Variants in RRP12 observed in about 807,000 individuals in gnomAD.
RRP12 encodes the protein ribosomal RNA processing 12 homolog, also known as RRP12-like protein.
RRP12 carries 78 observed loss-of-function variants against 157.3 expected under a neutral mutation model. The observed-to-expected ratio is 0.50, with a 90% confidence interval of 0.41 to 0.60. The LOEUF is 0.60. RRP12 is among the 20% of genes least tolerant of loss of function. The probability of loss-of-function intolerance (pLI) is 0.00; values close to 1 mark genes in which losing one functional copy is unlikely to be tolerated. For missense variants in RRP12, 1,521 were observed against 1,679.9 expected (o/e 0.91, Z 1.65); for synonymous variants, 726 against 670.9 (o/e 1.08, Z -1.27).
chr10:97,387,940 T>TAAAAAAA (rs1844683011), intron 8 of RRP12: 1 of 93,830 alleles, frequency 1.1e-5, no homozygotes, highest in African/African-American at 2.7e-4. Context: ...AAACTCGGTC[T>TAAAAAAA]CAAAAAAAAA....
intron 2 of RRP12, among the ~76,000 whole-genome samples, chr10:97,398,621 A>G (rs1051603031): frequency 1.1e-4 from 16 of 151,916 alleles, no homozygotes; most frequent in Admixed American, 7.9e-4. Flanking sequence ...TGCTAGGATT[A>G]CAGGTGTAAG....
chr10:97,367,069 G>C lies in RRP12; in HGVS notation c.3019C>G (p.Leu1007Val). 1 of 1,614,240 alleles carries C rather than the reference G, an allele frequency of 6.2e-7. No homozygotes were observed. Among genetic ancestry groups the C allele is most frequent in the East Asian group, 2.2e-5 (1 of 44,888 alleles). The change falls in exon 26 of 34, where the codon CTG becomes GTG. Residue 1007 changes from leucine to valine, a missense_variant. Coordinates refer to ENST00000370992, the MANE Select transcript of RRP12 (RefSeq NM_015179.4). ...AACTTGCGGATGAACTTGGTGAACAGGTTCCGAAGCTTCATGCGGAAGTGC... is the reference window on the plus strand; with the variant it reads ...AACTTGCGGATGAACTTGGTGAACACGTTCCGAAGCTTCATGCGGAAGTGC... ...RRHFRMKLRNLFTKFIRKFGF... is the reference protein window; with the variant it reads ...RRHFRMKLRNVFTKFIRKFGF...
chr10:97,386,097 C>G (rs888420671), intron 8 of RRP12, 104 bp from the exon 9 acceptor site: 1 of 688,930 alleles, frequency 1.5e-6, no homozygotes. Context: ...CCCCCTGAAC[C>G]TCACACATGC....
At chr10:97,385,490 C>T (rs964663283) in intron 9 of RRP12, among the ~76,000 whole-genome samples, 2 of 151,848 alleles carry the variant, frequency 1.3e-5, no homozygotes, top group African/African-American at 2.4e-5. Flanking sequence ...ATGGGTCACA[C>T]ACTCCTTTGT....
chr10:97,370,619 C>T (rs1589418599), intron 22 of RRP12, 59 bp from the exon 23 acceptor site: 5 of 1,582,430 alleles, frequency 3.2e-6, no homozygotes, highest in Non-Finnish European at 4.3e-6. Flanking sequence ...GGAAGCGAAT[C>T]GAGTCCTCCC....
At chr10:97,371,790 G>A in intron 20 of RRP12, 1 of 342,244 alleles carries the variant, frequency 2.9e-6, no homozygotes, top group Non-Finnish European at 5.5e-6. Flanking sequence ...GGCCGGTCTG[G>A]GATGGGCCTG....
rs1844101144 is a variant in RRP12 at position 97,370,184 on chromosome 10, A to G, written c.2780T>C (p.Leu927Pro). The G allele has an allele frequency of 6.2e-7, 1 of 1,603,404 alleles. No individual in the cohort carries two copies. The highest frequency in any genetic ancestry group is 8.5e-7 in the Non-Finnish European group (1 of 1,175,304). The change falls in exon 24 of 34, where the codon CTC (leucine) becomes CCC (proline). Residue 927 changes from leucine (L) to proline (P), a missense_variant. Coordinates refer to ENST00000370992, the MANE Select transcript of RRP12 (RefSeq NM_015179.4). ...VSCSILALTH[L>P]LFEFKGLMGT... is the part of the protein sequence containing the mutation. ...GCATTTACCTTTAAACTCGAAAAGG[A>G]GGTGGGTCAGGGCCAGGATGCTGCA...
In RRP12 at chr10:97,390,512, G is replaced by A. The variant is rs369103845; in HGVS notation, c.664C>T (p.Arg222Trp). The change falls in exon 6 of 34, where the codon CGG becomes TGG. Residue 222 changes from arginine (R) to tryptophan (W), a missense_variant. Physicochemically the swap from Arg to Trp is moderately radical, Grantham distance 101. Coordinates refer to ENST00000370992, the MANE Select transcript of RRP12 (RefSeq NM_015179.4). ...WVLSCLATLL[R>W]KQDLEAWGYP... is the part of the protein sequence containing the mutation. ...CCCCAGGCCTCCAGGTCTTGCTTCCGCAGAAGGGTGGCCAGGCAGGAAAGG... is the reference window on the plus strand; with the variant it reads ...CCCCAGGCCTCCAGGTCTTGCTTCCACAGAAGGGTGGCCAGGCAGGAAAGG... The A allele has an allele frequency of 2.2e-5, 36 of 1,613,746 alleles. No homozygotes were observed. The African/African-American group carries it at 2.7e-4, about 12-fold the overall frequency.
intron 15 of RRP12, among the ~76,000 whole-genome samples, chr10:97,375,720 T>G (rs1054480333): frequency 3.3e-5 from 5 of 152,206 alleles, no homozygotes; most frequent in African/African-American, 1.2e-4. Flanking sequence ...ATAGAACAAA[T>G]TTTTCCTTTT....
intron 2 of RRP12, among the ~76,000 whole-genome samples, chr10:97,398,004 TAC>T (rs1204455601): frequency 1.7e-4 from 14 of 84,232 alleles, no homozygotes; most frequent in East Asian, 6.6e-4. Context: ...TATATATATA[TAC>T]ATATATATAT....
intron 10 of RRP12, among the ~76,000 whole-genome samples, chr10:97,384,034 G>A (rs930787997): frequency 1.7e-4 from 26 of 151,896 alleles, no homozygotes; most frequent in African/African-American, 2.4e-5. Context: ...GGCCCCAGGA[G>A]GCTGAACAGC....
In RRP12 at chr10:97,370,499, A is replaced by G. The variant is rs200000260; in HGVS notation, c.2645T>C (p.Val882Ala). 57 of 1,610,108 alleles carry G rather than the reference A, an allele frequency of 3.5e-5. No homozygotes were observed. Among genetic ancestry groups the G allele is most frequent in the Non-Finnish European group, 4.8e-5 (57 of 1,178,514 alleles). ...CCTTAGGAAAGCATGGCCCATCTCC[A>G]CGAGCAGTGCAAAAGCGTTCTTCCG... Reference protein sequence around the residue: ...GARKNAFALLVEMGHAFLRFG... With the variant: ...GARKNAFALLAEMGHAFLRFG... Residue 882 changes from valine (V) to alanine (A), a missense_variant, in exon 23 of 34, where the codon GTG becomes GCG. Physicochemically the swap from Val to Ala is moderately conservative, Grantham distance 64. Transcript: ENST00000370992.
rs747916724 is a variant in RRP12, at chr10:97,370,913, G to C, written c.2502+10C>G. The stretch of plus-strand genomic sequence containing the variant: ...TCCCTCGGCAGAGCGGGTGGCCCTA[G>C]AGCCCTCACCCTCTTGGCGGGTGAG... On this transcript the variant is annotated intron_variant, in intron 21 of 33. Coordinates refer to ENST00000370992, the MANE Select transcript of RRP12 (RefSeq NM_015179.4). 13 of 1,613,766 alleles carry C rather than the reference G, an allele frequency of 8.1e-6. No homozygotes were observed. In the East Asian group the frequency reaches 2.5e-4, roughly 30 times the overall value.
chr10:97,364,441 A>G (rs1843920603), intron 29 of RRP12, among the ~76,000 whole-genome samples: 1 of 152,190 alleles, frequency 6.6e-6, no homozygotes, highest in South Asian at 2.1e-4. Flanking sequence ...GTGACCGGCC[A>G]TGTGTGGTGG....
intron 29 of RRP12, among the ~76,000 whole-genome samples, chr10:97,365,327 G>C (rs1843945365): frequency 6.7e-6 from 1 of 149,186 alleles, no homozygotes. Flanking sequence ...AGGCTGGAGA[G>C]CAGTGGCACA....
chr10:97,401,281 A>C lies in RRP12; in HGVS notation c.-50T>G. The C allele has an allele frequency of 6.2e-7, 1 of 1,609,692 alleles. No individual in the cohort carries two copies. Among genetic ancestry groups the C allele is most frequent in the Non-Finnish European group, 8.5e-7 (1 of 1,176,650 alleles). On this transcript the variant is annotated 5_prime_UTR_variant, in exon 1 of 34. Coordinates refer to ENST00000370992, the MANE Select transcript of RRP12 (RefSeq NM_015179.4). ...GAGCTTAAATGACCGGCTTCCAGGG[A>C]CGTAGAAACACGCTCAGAACCCACG...
At position 97,400,320 on chromosome 10, in the gene RRP12, CGAGTTGGACT is replaced by C. The variant is rs760512992; in HGVS notation, c.344_353del (p.Glu115GlyfsTer17). On this transcript the variant is annotated frameshift_variant, in exon 2 of 34. Coordinates refer to ENST00000370992, the MANE Select transcript of RRP12 (RefSeq NM_015179.4). LOFTEE classifies it high-confidence loss of function. ...TCGCCCCTACCTCCTTGTGGGCAGC[CGAGTTGGACT>C]CCCAGAAGCGCTGTACTTTGCTGAA... 2 of 1,613,968 alleles carry C rather than the reference CGAGTTGGACT, an allele frequency of 1.2e-6. No homozygotes were observed. The highest frequency in any genetic ancestry group is 1.7e-6 in the Non-Finnish European group (2 of 1,179,948).
Position 97,385,242 on chromosome 10 carries a change from C to T in RRP12, c.1132G>A (p.Val378Ile). ...GGTTGTAAATCATTCTCACTGGGAA[C>T]ATAGTCGTACAGGGCCTAAAAGTGG... is the stretch of plus-strand genomic sequence containing the variant. Reference protein sequence around the residue: ...AQIITALYDYVPSENDLQPLL... With the variant: ...AQIITALYDYIPSENDLQPLL... Residue 378 changes from valine to isoleucine, a missense_variant, in exon 10 of 34, where the codon GTT becomes ATT. By Grantham distance (29) the Val-to-Ile change is conservative. Coordinates refer to ENST00000370992, the MANE Select transcript of RRP12 (RefSeq NM_015179.4). 1.9e-6 allele frequency: 3 copies of T among 1,613,964 alleles called. No homozygotes were observed. Among genetic ancestry groups the T allele is most frequent in the Non-Finnish European group, 2.5e-6 (3 of 1,179,848 alleles).
chr10:97,373,371 C>T (rs985113874), intron 17 of RRP12, among the ~76,000 whole-genome samples, 171 bp from the exon 18 acceptor site: 2 of 152,118 alleles, frequency 1.3e-5, no homozygotes, highest in African/African-American at 2.4e-5. Context: ...GAGCCTGGTG[C>T]CCCAGTGGCC....
Sources: allele counts gnomAD v4.1 joint callset (sites outside exome capture counted in the v4.1 genomes callset), GRCh38; gene constraint gnomAD v4.1.1; transcripts MANE v1.5; gene names NCBI Gene and HGNC (gene_info 2026-07-23, HGNC 2026-07-21).